LDB2: variants seen among roughly 807,000 people sequenced by gnomAD.
The protein encoded by LDB2 is LIM domain-binding protein 2.
A neutral mutation model predicts 44.3 loss-of-function variants in LDB2; 12 were observed. The ratio of observed to expected loss-of-function variants is 0.27; its 90% CI spans 0.17 to 0.44. The LOEUF is 0.44. Among genes scored for constraint, LDB2 ranks in the 20% least tolerant of loss-of-function variants. The pLI is 1.00. For missense variants in LDB2, 344 were observed against 473.5 expected (o/e 0.73, Z 2.54); for synonymous variants, 164 against 174.8 (o/e 0.94, Z 0.49).
chr4:16,872,547 T>C lies in LDB2; in HGVS notation c.132+25807A>G, dbSNP rs148409456. 4.8e-3 allele frequency among the ~76,000 whole-genome samples: 724 copies of C among 152,288 alleles called. 6 individuals are homozygous for C. The highest frequency in any genetic ancestry group is 0.016 in the African/African-American group (670 of 41,562). On this transcript the variant is annotated intron_variant, in intron 1 of 7. Coordinates refer to ENST00000304523, the MANE Select transcript of LDB2 (RefSeq NM_001290.5). ...CTTTGTTGTTATCACTGCTTCTTTT[T>C]CTCTTGTGCTGAGAATGGATGACTG... is the stretch of plus-strand genomic sequence containing the variant.
intron 5 of LDB2, among the ~76,000 whole-genome samples, chr4:16,576,796 C>T (rs1007123489): frequency 1.1e-4 from 17 of 152,052 alleles, no homozygotes; most frequent in African/African-American, 4.1e-4. Context: ...AAACTACAGG[C>T]CAATATCACT....
intron 2 of LDB2, among the ~76,000 whole-genome samples, chr4:16,613,170 G>A (rs1418287211): frequency 6.6e-6 from 1 of 152,140 alleles, no homozygotes. Context: ...ATCCCTTCAT[G>A]TTAAAATCTC....
At chr4:16,886,906 A>C (rs1356714876) in intron 1 of LDB2, among the ~76,000 whole-genome samples, 2 of 151,658 alleles carry the variant, frequency 1.3e-5, no homozygotes, top group African/African-American at 4.8e-5. Flanking sequence ...GGTGGCGGGC[A>C]CCTGTAGTCC....
At chr4:16,528,918 C>T (rs1412023972) in intron 5 of LDB2, among the ~76,000 whole-genome samples, 1 of 152,162 alleles carries the variant, frequency 6.6e-6, no homozygotes, top group African/African-American at 2.4e-5. Context: ...TTCAGAGCAG[C>T]AGAGTCTACA....
chr4:16,665,529 T>G (rs1478078767), intron 2 of LDB2, among the ~76,000 whole-genome samples: 1 of 152,114 alleles, frequency 6.6e-6, no homozygotes, highest in Admixed American at 6.5e-5. Flanking sequence ...CCTCCCAAAG[T>G]GCTGGGATTA....
At chr4:16,830,189 C>T (rs49969) in intron 1 of LDB2, among the ~76,000 whole-genome samples, 95,946 of 152,016 alleles carry the variant, frequency 0.63, 30,398 homozygotes, top group Middle Eastern at 0.72. Context: ...CCCATCCAAA[C>T]CTCATCTCCA....
At chr4:16,597,514 TAAAC>T (rs1721307518) in intron 2 of LDB2, among the ~76,000 whole-genome samples, 1 of 152,204 alleles carries the variant, frequency 6.6e-6, no homozygotes. Flanking sequence ...TGTACTTCAC[TAAAC>T]AGATAAAATT....
chr4:16,817,498 G>A (rs1781168886), intron 1 of LDB2, among the ~76,000 whole-genome samples: 1 of 152,108 alleles, frequency 6.6e-6, no homozygotes, highest in Non-Finnish European at 1.5e-5. Context: ...AATTAATTTT[G>A]CAAGTCAGAT....
At chr4:16,801,721 T>G (rs1398077917) in intron 1 of LDB2, among the ~76,000 whole-genome samples, 1 of 152,168 alleles carries the variant, frequency 6.6e-6, no homozygotes, top group Non-Finnish European at 1.5e-5. Context: ...TACCAAAAAT[T>G]TCAGTGTTTT....
intron 1 of LDB2, among the ~76,000 whole-genome samples, chr4:16,867,469 T>C (rs1715089752): frequency 6.6e-6 from 1 of 152,110 alleles, no homozygotes; most frequent in African/African-American, 2.4e-5. Context: ...TCTTAAGAAA[T>C]AGCCCATACC....
At chr4:16,895,883 A>C (rs375612709) in intron 1 of LDB2, among the ~76,000 whole-genome samples, 1 of 152,190 alleles carries the variant, frequency 6.6e-6, no homozygotes, top group Non-Finnish European at 1.5e-5. Context: ...TTCAAGGTAC[A>C]TACATCATGA....
At chr4:16,827,867 C>A (rs1217178758) in intron 1 of LDB2, among the ~76,000 whole-genome samples, 1 of 152,186 alleles carries the variant, frequency 6.6e-6, no homozygotes, top group Non-Finnish European at 1.5e-5. Context: ...TTGGGCCAGA[C>A]CTCCCGACCC....
intron 5 of LDB2, among the ~76,000 whole-genome samples, chr4:16,518,658 T>C (rs1295570154): frequency 2.0e-5 from 3 of 152,200 alleles, no homozygotes; most frequent in Non-Finnish European, 4.4e-5. Flanking sequence ...AAATACTCAC[T>C]ATCTTGTCCT....
At chr4:16,605,290 C>G (rs1032127348) in intron 2 of LDB2, among the ~76,000 whole-genome samples, 2 of 152,058 alleles carry the variant, frequency 1.3e-5, no homozygotes, top group African/African-American at 4.8e-5. Context: ...TATTCCACAC[C>G]TTCCTTTTAA....
chr4:16,819,205 C>A (rs187762744), intron 1 of LDB2, among the ~76,000 whole-genome samples: 14 of 151,662 alleles, frequency 9.2e-5, no homozygotes, highest in African/African-American at 2.7e-4. Context: ...GGCTAGGTGA[C>A]CTTTTATGAT....
chr4:16,802,906 A>C (rs1455394751), intron 1 of LDB2, among the ~76,000 whole-genome samples: 1 of 152,174 alleles, frequency 6.6e-6, no homozygotes, highest in East Asian at 1.9e-4. Context: ...AGTGTGAAAT[A>C]GGACCCACCC....
At position 16,588,732 on chromosome 4, in the gene LDB2, G is replaced by A. The variant is rs138524887; in HGVS notation, c.509C>T (p.Pro170Leu). ...TACATGCATGGCTAGGATGCTTCTC[G>A]GGACTAACTCTCGGTATTGTCTAAT... is the stretch of plus-strand genomic sequence containing the variant. ...FTIRQYRELV[P>L]RSILAMHAQD... is the part of the protein sequence containing the mutation. The change falls in exon 4 of 8, where the codon CCG (proline) becomes CTG (leucine). Residue 170 changes from proline to leucine, a missense_variant. Around this residue, in one of 3 missense-constraint regions of LDB2, gnomAD observed 226 missense variants for 270.1 expected, o/e 0.84. Transcript: ENST00000304523. 2.0e-5 allele frequency: 33 copies of A among 1,613,604 alleles called. No homozygotes were observed. Among genetic ancestry groups the A allele is most frequent in the African/African-American group, 1.9e-4 (14 of 74,880 alleles).
intron 1 of LDB2, among the ~76,000 whole-genome samples, chr4:16,772,915 A>C (rs558622982): frequency 2.6e-5 from 4 of 152,248 alleles, no homozygotes; most frequent in African/African-American, 9.6e-5. Flanking sequence ...CAAACAGAAC[A>C]GTGGGACAGA....
intron 2 of LDB2, among the ~76,000 whole-genome samples, chr4:16,619,904 A>G (rs995127853): frequency 8.5e-5 from 13 of 152,162 alleles, no homozygotes; most frequent in Non-Finnish European, 4.4e-5. Context: ...ATTAAAAAGA[A>G]TAAAATAAAG....
Sources: allele counts gnomAD v4.1 joint callset (sites outside exome capture counted in the v4.1 genomes callset), GRCh38; gene constraint gnomAD v4.1.1; regional missense constraint gnomAD v4.1.1; transcripts MANE v1.5; gene names NCBI Gene and HGNC (gene_info 2026-07-23, HGNC 2026-07-21).